SYT14: variants seen among roughly 807,000 people sequenced by gnomAD.
SYT14 encodes the protein synaptotagmin 14.
Under a neutral mutation model 74.2 loss-of-function variants are expected in SYT14, and 32 were observed. That is an observed-to-expected ratio of 0.43 (90% CI 0.33 to 0.58). The LOEUF (loss-of-function observed/expected upper bound fraction) is 0.58, where lower values mean the gene tolerates loss of function less well. Among genes scored for constraint, SYT14 ranks in the 20% least tolerant of loss-of-function variants. SYT14 has a pLI of 0.05. For synonymous variants in SYT14, 298 were observed against 337.7 expected (o/e 0.88, Z 1.29); for missense variants, 791 against 981.8 (o/e 0.81, Z 2.60).
At chr1:210,016,277 A>C (rs1037066727) in exon 4 of SYT14, 1 of 1,232,072 alleles carries the variant, frequency 8.1e-7, no homozygotes, top group Non-Finnish European at 1.0e-6. Context: ...AACACAAGCC[A>C]ATTTAGAGCA....
intron 7 of SYT14, among the ~76,000 whole-genome samples, chr1:210,125,588 A>G (rs1291381521): frequency 6.6e-6 from 1 of 152,124 alleles, no homozygotes; most frequent in East Asian, 1.9e-4. Context: ...TCAGTGTTCT[A>G]GGAGTCATTT....
At chr1:210,059,451 T>TATAGAGAGAGAG (rs377050610) in intron 5 of SYT14, among the ~76,000 whole-genome samples, 115 of 69,890 alleles carry the variant, frequency 1.6e-3, no homozygotes, top group African/African-American at 5.7e-3. Flanking sequence ...TATATATATA[T>TATAGAGAGAGAG]AGAGAGAGAG....
At chr1:210,093,834 GA>G (rs2081920911) in intron 5 of SYT14, among the ~76,000 whole-genome samples, 1 of 152,188 alleles carries the variant, frequency 6.6e-6, no homozygotes, top group Non-Finnish European at 1.5e-5. Context: ...ACTGCTAGCT[GA>G]ATGCTAGTTT....
intron 6 of SYT14, 120 bp downstream of exon 5, chr1:210,094,713 C>G (rs2081938939): frequency 1.7e-6 from 2 of 1,159,788 alleles, no homozygotes; most frequent in South Asian, 1.3e-5. Context: ...CTTATAGTAC[C>G]AGTATCCATC....
intron 7 of SYT14, among the ~76,000 whole-genome samples, chr1:210,116,130 T>G (rs1373161296): frequency 1.3e-5 from 2 of 152,120 alleles, no homozygotes; most frequent in Non-Finnish European, 2.9e-5. Context: ...ACCAGCCATT[T>G]TCACTTCTTT....
At chr1:209,970,093 T>G (rs2079223018) in intron 2 of SYT14, among the ~76,000 whole-genome samples, 1 of 152,186 alleles carries the variant, frequency 6.6e-6, no homozygotes. Context: ...TCTATTTTTG[T>G]TTTTGTTGCA....
chr1:210,070,167 C>T (rs2081366770), intron 5 of SYT14, among the ~76,000 whole-genome samples: 1 of 152,054 alleles, frequency 6.6e-6, no homozygotes, highest in African/African-American at 2.4e-5. Context: ...CTCTCCATCT[C>T]CTCCCCGACT....
chr1:210,021,588 T>C (rs902869736), intron 5 of SYT14, among the ~76,000 whole-genome samples: 9 of 152,238 alleles, frequency 5.9e-5, no homozygotes, highest in Non-Finnish European at 1.3e-4. Context: ...ATACCTGTTA[T>C]AGGAACTGAT....
chr1:210,110,012 C>G (rs2082232367), intron 7 of SYT14, among the ~76,000 whole-genome samples: 1 of 152,112 alleles, frequency 6.6e-6, no homozygotes, highest in Non-Finnish European at 1.5e-5. Flanking sequence ...CAAACTAACA[C>G]AGGAACAGAA....
chr1:210,132,712 A>G (rs2082702557), intron 7 of SYT14, among the ~76,000 whole-genome samples: 1 of 151,992 alleles, frequency 6.6e-6, no homozygotes, highest in South Asian at 2.1e-4. Flanking sequence ...ACCAAGTATA[A>G]TCTTCAGAGT....
At chr1:210,033,511 T>C (rs2080587157) in intron 5 of SYT14, among the ~76,000 whole-genome samples, 3 of 151,798 alleles carry the variant, frequency 2.0e-5, no homozygotes, top group Non-Finnish European at 4.4e-5. Context: ...AAAATTACCT[T>C]GAGAATATGA....
chr1:210,028,405 C>T (rs2080459436), intron 5 of SYT14, among the ~76,000 whole-genome samples: 1 of 148,376 alleles, frequency 6.7e-6, no homozygotes, highest in South Asian at 2.2e-4. Context: ...CAAAGCTGAA[C>T]TCCATACCCA....
At chr1:210,131,607 A>T (rs2082676118) in intron 7 of SYT14, among the ~76,000 whole-genome samples, 1 of 151,968 alleles carries the variant, frequency 6.6e-6, no homozygotes, top group Non-Finnish European at 1.5e-5. Flanking sequence ...ATACCTATAT[A>T]TTGAAAGCCA....
intron 5 of SYT14, among the ~76,000 whole-genome samples, chr1:210,031,112 G>A (rs1310327725): frequency 8.3e-6 from 1 of 119,926 alleles, no homozygotes; most frequent in Non-Finnish European, 1.8e-5. Context: ...TTTTTTTTTG[G>A]TAGAGATTGG....
intron 5 of SYT14, among the ~76,000 whole-genome samples, chr1:210,035,425 C>A (rs544835280): frequency 2.6e-5 from 4 of 151,682 alleles, no homozygotes; most frequent in African/African-American, 9.7e-5. Flanking sequence ...TTTATATAGT[C>A]CCATTTGTCT....
chr1:210,160,587 A>G, intron 9 of SYT14, 142 bp from the exon 9 acceptor site: 2 of 728,286 alleles, frequency 2.7e-6, no homozygotes, highest in Non-Finnish European at 4.4e-6. Flanking sequence ...CTACATCAAA[A>G]TGGAATTGGT....
chr1:210,164,998 A>G (rs2083440755), exon 10 of SYT14: 1 of 152,180 alleles, frequency 6.6e-6, no homozygotes, highest in Non-Finnish European at 1.5e-5. Flanking sequence ...GTTAACAGCT[A>G]TAATTTACTA....
intron 2 of SYT14, among the ~76,000 whole-genome samples, chr1:210,007,932 C>T (rs2080018446): frequency 6.6e-6 from 1 of 152,120 alleles, no homozygotes; most frequent in Admixed American, 6.5e-5. Context: ...AAAGCAATTA[C>T]AACAATATCT....
At chr1:210,098,173 T>C (rs1292439397) in intron 6 of SYT14, among the ~76,000 whole-genome samples, 1 of 146,816 alleles carries the variant, frequency 6.8e-6, no homozygotes, top group Non-Finnish European at 1.5e-5. Flanking sequence ...AGACCCTGTG[T>C]CAAAAAAAAA....
Sources: gnomAD v4.1 joint callset for allele counts (sites outside exome capture counted in the v4.1 genomes callset) on GRCh38, gnomAD v4.1.1 for gene constraint, MANE v1.5 for transcripts, NCBI Gene and HGNC (gene_info 2026-07-23, HGNC 2026-07-21) for gene names.